The following SCN8A variants were observed in gnomAD, a reference collection of about 807,000 sequenced individuals.
The protein encoded by SCN8A is sodium channel protein type 8 subunit alpha.
A neutral mutation model predicts 184.1 loss-of-function variants in SCN8A; 30 were observed. The ratio of observed to expected loss-of-function variants is 0.16; its 90% CI spans 0.12 to 0.22. The LOEUF (loss-of-function observed/expected upper bound fraction) is 0.22, where lower values mean the gene tolerates loss of function less well. SCN8A is among the 10% of genes least tolerant of loss of function. SCN8A has a pLI of 1.00. For synonymous variants in SCN8A, 852 were observed against 907.0 expected, an observed-to-expected ratio of 0.94 and a Z score of 1.09; for missense variants, 1,057 against 2,498.9, an observed-to-expected ratio of 0.42 and a Z score of 12.30.
At chr12:51,781,465 C>G (rs1329145362) in intron 21 of SCN8A, among the ~76,000 whole-genome samples, 2 of 152,128 alleles carry the variant, frequency 1.3e-5, no homozygotes, top group Admixed American at 1.3e-4. Context: ...AGGTATGATG[C>G]TAGATGACTG....
rs1275913048 is a variant in SCN8A, at chr12:51,807,490, A to G, written c.*61A>G. The G allele has an allele frequency of 4.0e-6, 6 of 1,500,280 alleles. No individual in the cohort carries two copies. The highest frequency in any genetic ancestry group is 3.6e-5 in the South Asian group (3 of 83,122). The allele number at this position is 1,500,280 out of a possible 1,614,324, so 92.9% of individuals were successfully genotyped here. On this transcript the variant is annotated 3_prime_UTR_variant, in exon 27 of 27. Coordinates refer to ENST00000627620, the MANE Select transcript of SCN8A (RefSeq NM_001330260.2). This position sits in a 1 kb window ranked among gnomAD's most constrained non-coding sequence, Gnocchi z 4.5. ...ACTCGCAAGTGAAAGATTGTTTACAAACTTCCTGAATATTATCAATGCAGA... is the reference window on the plus strand; with the variant it reads ...ACTCGCAAGTGAAAGATTGTTTACAGACTTCCTGAATATTATCAATGCAGA...
At chr12:51,684,836 C>T (rs1002975738) in intron 3 of SCN8A, among the ~76,000 whole-genome samples, 1 of 152,090 alleles carries the variant, frequency 6.6e-6, no homozygotes, top group African/African-American at 2.4e-5. Flanking sequence ...GGTATTTTTA[C>T]TCACCTTAAA....
chr12:51,756,523 A>G (rs1403475008), intron 14 of SCN8A, among the ~76,000 whole-genome samples: 1 of 152,152 alleles, frequency 6.6e-6, no homozygotes, highest in African/African-American at 2.4e-5. Context: ...TCTCTCTGCT[A>G]AGTCCCCCAC....
chr12:51,726,584 C>G (rs761393143), intron 12 of SCN8A, among the ~76,000 whole-genome samples: 26 of 152,172 alleles, frequency 1.7e-4, no homozygotes, highest in Non-Finnish European at 3.4e-4. Context: ...GGGAAATTCT[C>G]TAAGCCATTT....
At chr12:51,799,486 G>T (rs1490199657) in intron 26 of SCN8A, among the ~76,000 whole-genome samples, 3 of 152,160 alleles carry the variant, frequency 2.0e-5, no homozygotes, top group Admixed American at 2.0e-4. Flanking sequence ...AAGATGGCAG[G>T]GCCTTGCTCC....
chr12:51,774,419 T>C (rs1937628466), intron 20 of SCN8A, 57 bp downstream of exon 20: 4 of 1,495,086 alleles, frequency 2.7e-6, no homozygotes, highest in Middle Eastern at 2.3e-4. Flanking sequence ...GAAACAGGGG[T>C]CTCTCTTTTT....
intron 9 of SCN8A, among the ~76,000 whole-genome samples, chr12:51,704,993 A>T (rs1941758452): frequency 6.6e-6 from 1 of 152,166 alleles, no homozygotes; most frequent in Admixed American, 6.5e-5. Context: ...AATAAATAAA[A>T]TAAAAAGATG....
chr12:51,785,517 G>C (rs1167331598), intron 21 of SCN8A, among the ~76,000 whole-genome samples: 1 of 152,196 alleles, frequency 6.6e-6, no homozygotes, highest in Non-Finnish European at 1.5e-5. Flanking sequence ...CACATGTCCT[G>C]ATGAGTGACA....
chr12:51,630,291 A>G (rs1247164223), intron 1 of SCN8A, among the ~76,000 whole-genome samples: 2 of 152,066 alleles, frequency 1.3e-5, no homozygotes, highest in Non-Finnish European at 2.9e-5. Context: ...CAAGCCTCTG[A>G]CAACCGCCAT....
chr12:51,745,999 A>G lies in SCN8A; in HGVS notation c.2095A>G (p.Ser699Gly). Residue 699 changes from serine (S) to glycine (G), a missense_variant, in exon 13 of 27, where the codon AGT (serine) becomes GGT (glycine). Around this residue, in one of 19 missense-constraint regions of SCN8A, gnomAD observed 322 missense variants for 390.1 expected, o/e 0.83. Transcript: ENST00000627620. ...ASYGRKDRIN[S>G]IMSVVTNTLV... Reference sequence around the variant, plus strand: ...CTACGGGCGGAAGGACAGAATCAACAGTATAATGAGTGTTGTTACAAATAC... The same window carrying G: ...CTACGGGCGGAAGGACAGAATCAACGGTATAATGAGTGTTGTTACAAATAC... The G allele has an allele frequency of 6.2e-7, 1 of 1,611,366 alleles. No homozygotes were observed. The highest frequency in any genetic ancestry group is 8.5e-7 in the Non-Finnish European group (1 of 1,178,724).
intron 1 of SCN8A, among the ~76,000 whole-genome samples, chr12:51,652,688 C>T (rs1940741828): frequency 6.6e-6 from 1 of 152,172 alleles, no homozygotes; most frequent in Admixed American, 6.5e-5. Flanking sequence ...CCATTTTCTT[C>T]CCATAACCCA....
chr12:51,732,265 A>T (rs1942255612), intron 12 of SCN8A, among the ~76,000 whole-genome samples: 1 of 152,112 alleles, frequency 6.6e-6, no homozygotes, highest in Non-Finnish European at 1.5e-5. Flanking sequence ...AAGACAGGGG[A>T]CTAGTTTCAT....
chr12:51,636,120 AAG>A (rs1455472154), intron 1 of SCN8A, among the ~76,000 whole-genome samples: 2 of 152,014 alleles, frequency 1.3e-5, no homozygotes, highest in Non-Finnish European at 2.9e-5. Flanking sequence ...TCAGCCTCCC[AAG>A]TAGGTAGGAC....
At chr12:51,633,426 A>G (rs879018927) in intron 1 of SCN8A, among the ~76,000 whole-genome samples, 2 of 152,348 alleles carry the variant, frequency 1.3e-5, no homozygotes, top group Admixed American at 1.3e-4. Flanking sequence ...CTGTATGCTC[A>G]AAGTTCACAT....
chr12:51,669,294 G>A lies in SCN8A; in HGVS notation c.276+6201G>A, dbSNP rs1035569770. Among the ~76,000 whole-genome samples the A allele has an allele frequency of 1.2e-4, 19 of 152,100 alleles. No homozygotes were observed. In the East Asian group the frequency reaches 3.7e-3, roughly 29 times the overall value. ...GAATATAAAACCTTGTTTTAGTTCC[G>A]GCTTTGCTTCATGTTTGTACTTGGC... On this transcript the variant is annotated intron_variant, in intron 2 of 26. Transcript: ENST00000627620.
chr12:51,643,765 CAAAA>C (rs1182073599), intron 1 of SCN8A, among the ~76,000 whole-genome samples: 2 of 152,124 alleles, frequency 1.3e-5, no homozygotes, highest in Non-Finnish European at 2.9e-5. Context: ...TGATTGAAAA[CAAAA>C]AAACTTTAAA....
At chr12:51,618,918 A>T (rs1209637656) in intron 1 of SCN8A, among the ~76,000 whole-genome samples, 2 of 152,154 alleles carry the variant, frequency 1.3e-5, no homozygotes, top group Non-Finnish European at 2.9e-5. Context: ...TGTTTTTTAA[A>T]ATATATAATA....
At chr12:51,784,220 T>C (rs1342748464) in intron 21 of SCN8A, among the ~76,000 whole-genome samples, 3 of 152,214 alleles carry the variant, frequency 2.0e-5, no homozygotes, top group African/African-American at 7.2e-5. Flanking sequence ...TTGCAGCTTA[T>C]CAGCTAATGT....
At chr12:51,749,483 GT>G (rs1450482044) in intron 13 of SCN8A, among the ~76,000 whole-genome samples, 1 of 152,172 alleles carries the variant, frequency 6.6e-6, no homozygotes, top group Non-Finnish European at 1.5e-5. Flanking sequence ...TTCCAAATAT[GT>G]ACTGTAAGAA....
Sources: allele counts gnomAD v4.1 joint callset (sites outside exome capture counted in the v4.1 genomes callset), GRCh38; gene constraint gnomAD v4.1.1; regional missense constraint gnomAD v4.1.1; non-coding constraint Gnocchi (gnomAD v3.1); transcripts MANE v1.5; gene names NCBI Gene and HGNC (gene_info 2026-07-23, HGNC 2026-07-21).